GSN: variants seen among roughly 807,000 people sequenced by gnomAD.
GSN encodes the protein gelsolin.
In GSN, 56 loss-of-function variants were observed where a neutral mutation model predicts 85.7. The ratio of observed to expected loss-of-function variants is 0.65; its 90% CI spans 0.53 to 0.82. GSN has a LOEUF of 0.82. GSN is among the 40% of genes least tolerant of loss of function. The pLI is 0.00. For synonymous variants in GSN, 373 were observed against 399.1 expected, an observed-to-expected ratio of 0.93 and a Z score of 0.78; for missense variants, 857 against 979.8, an observed-to-expected ratio of 0.87 and a Z score of 1.67.
intron 1 of GSN, chr9:121,207,925 G>A (rs923453698): frequency 3.2e-5 from 2 of 62,684 alleles, no homozygotes; most frequent in African/African-American, 1.3e-4. Flanking sequence ...TGGCTAATAT[G>A]TGTGTGTGTG....
chr9:121,263,972 A>G (rs2055144259), upstream of GSN, among the ~76,000 whole-genome samples: 2 of 151,724 alleles, frequency 1.3e-5, no homozygotes, highest in South Asian at 4.2e-4. Flanking sequence ...CCATGATCCA[A>G]TCACCTCCCT....
At position 121,329,036 on chromosome 9, in the gene GSN, C is replaced by A. The variant is rs773838294; in HGVS notation, c.1887+21C>A. ...TTGTGGTGAGCCCCTGCGGAGGTCA[C>A]ACCTCTGCTTTCCCCTCGGGAGGCG... On this transcript the variant is annotated intron_variant, in intron 15 of 17. Coordinates refer to ENST00000432226, the MANE Select transcript of GSN (RefSeq NM_198252.3). The surrounding 1 kb of genome is among the most constrained non-coding windows in gnomAD (Gnocchi z 4.6). The A allele has an allele frequency of 1.2e-6, 2 of 1,612,722 alleles. No individual in the cohort carries two copies. The highest frequency in any genetic ancestry group is 2.2e-5 in the South Asian group (2 of 90,980).
intron 6 of GSN, among the ~76,000 whole-genome samples, chr9:121,256,620 G>C (rs2054966817): frequency 6.6e-6 from 1 of 152,152 alleles, no homozygotes; most frequent in Non-Finnish European, 1.5e-5. Context: ...GCTTATGCCT[G>C]TAATCCCAGC....
intron 10 of GSN, among the ~76,000 whole-genome samples, 174 bp downstream of exon 10, chr9:121,319,054 G>A (rs2062062841): frequency 6.6e-6 from 1 of 152,248 alleles, no homozygotes; most frequent in Admixed American, 6.5e-5. Flanking sequence ...CAGGCCCTGA[G>A]CCAAGTGTCT....
At chr9:121,260,150 A>G (rs79799282) in intron 6 of GSN, among the ~76,000 whole-genome samples, 3,732 of 152,332 alleles carry the variant, frequency 0.024, 73 homozygotes, top group Middle Eastern at 0.058. Flanking sequence ...CTGGATCTGC[A>G]GGGTCATCTG....
At chr9:121,224,848 TC>T in intron 4 of GSN, among the ~76,000 whole-genome samples, 2 of 151,888 alleles carry the variant, frequency 1.3e-5, no homozygotes, top group Middle Eastern at 6.9e-3. Flanking sequence ...AGACAGGGTC[TC>T]ACTCTGTCAC....
chr9:121,286,122 C>G (rs1430664767), intron 2 of GSN: 1 of 1,535,570 alleles, frequency 6.5e-7, no homozygotes, highest in South Asian at 1.2e-5. Flanking sequence ...GAGAGGCCCA[C>G]ATAGCTCCCC....
intron 14 of GSN, among the ~76,000 whole-genome samples, chr9:121,328,291 G>T (rs2063472634): frequency 1.3e-5 from 2 of 152,208 alleles, no homozygotes; most frequent in South Asian, 4.1e-4. Flanking sequence ...AAGCAGCTCT[G>T]TCCAGCAGAA....
At chr9:121,241,175 A>G (rs74599634) in intron 5 of GSN, among the ~76,000 whole-genome samples, 4,120 of 152,332 alleles carry the variant, frequency 0.027, 194 homozygotes, top group African/African-American at 0.094. Flanking sequence ...AAACTCGGAA[A>G]GAAGTGCAAA....
intron 4 of GSN, among the ~76,000 whole-genome samples, chr9:121,224,741 G>GAAA (rs11374663): frequency 1.7e-5 from 2 of 114,360 alleles, no homozygotes; most frequent in Admixed American, 9.0e-5. Flanking sequence ...TAGGCTACCT[G>GAAA]AAAAAAAAAA....
intron 5 of GSN, among the ~76,000 whole-genome samples, chr9:121,232,351 T>C (rs1037653567): frequency 1.3e-5 from 2 of 152,214 alleles, no homozygotes; most frequent in Non-Finnish European, 1.5e-5. Flanking sequence ...CTCACTATGA[T>C]TGCAAAAATT....
intron 2 of GSN, among the ~76,000 whole-genome samples, chr9:121,295,767 ACTG>A (rs2059157030): frequency 6.6e-6 from 1 of 152,198 alleles, no homozygotes; most frequent in Non-Finnish European, 1.5e-5. Flanking sequence ...GAATCTGCCT[ACTG>A]TGTGCCTGGA....
chr9:121,325,895 C>T (rs770600837), intron 12 of GSN, among the ~76,000 whole-genome samples: 1 of 151,934 alleles, frequency 6.6e-6, no homozygotes, highest in Non-Finnish European at 1.5e-5. Context: ...CCTAACTCAG[C>T]GGTGGTGGGT....
chr9:121,235,353 T>G (rs1170874531), intron 5 of GSN, among the ~76,000 whole-genome samples: 2 of 152,192 alleles, frequency 1.3e-5, no homozygotes, highest in Non-Finnish European at 2.9e-5. Context: ...CCCTTTTAGG[T>G]GGCTGAGAAT....
Position 121,332,626 on chromosome 9 carries a change from T to C in GSN, c.*23T>C. ...TGAGGAGGGGCAGGGCCCACCCATG[T>C]CACCGGTCAGTGCCTTTTGGAACTG... On this transcript the variant is annotated 3_prime_UTR_variant, in exon 18 of 18. Coordinates refer to ENST00000432226, the MANE Select transcript of GSN (RefSeq NM_198252.3). The surrounding 1 kb of genome is among the most constrained non-coding windows in gnomAD (Gnocchi z 4.8). 6.2e-7 allele frequency: 1 copy of C among 1,602,724 alleles called. No homozygotes were observed. Among genetic ancestry groups the C allele is most frequent in the Non-Finnish European group, 8.5e-7 (1 of 1,172,746 alleles).
chr9:121,328,659 A>G (rs921019047), intron 14 of GSN, among the ~76,000 whole-genome samples: 3 of 152,112 alleles, frequency 2.0e-5, no homozygotes, highest in South Asian at 2.1e-4. Flanking sequence ...CCTCAAGCCA[A>G]TAGTGGTCCT....
At chr9:121,203,698 A>G (rs569349473), upstream of GSN, among the ~76,000 whole-genome samples, 3 of 152,192 alleles carry the variant, frequency 2.0e-5, no homozygotes, top group Non-Finnish European at 4.4e-5. Context: ...TCTATAATCT[A>G]ATGGTATGCA....
At chr9:121,319,138 T>C (rs1246879001) in intron 10 of GSN, among the ~76,000 whole-genome samples, 3 of 151,968 alleles carry the variant, frequency 2.0e-5, no homozygotes, top group African/African-American at 7.3e-5. Flanking sequence ...GTGTGATCAG[T>C]GGAAGATGGG....
chr9:121,203,088 C>T (rs2132042571), upstream of GSN: 1 of 151,570 alleles, frequency 6.6e-6, no homozygotes, highest in South Asian at 2.1e-4. Flanking sequence ...GATCGCGCCA[C>T]TGCGCTCCAG....
Sources: allele counts gnomAD v4.1 joint callset (sites outside exome capture counted in the v4.1 genomes callset), GRCh38; gene constraint gnomAD v4.1.1; non-coding constraint Gnocchi (gnomAD v3.1); transcripts MANE v1.5; gene names NCBI Gene and HGNC (gene_info 2026-07-23, HGNC 2026-07-21).